The following KCNH5 variants were observed in gnomAD, a reference collection of about 807,000 sequenced individuals.
KCNH5 encodes potassium voltage-gated channel subfamily H member 5.
In KCNH5, 46 loss-of-function variants were observed where a neutral mutation model predicts 96.1. That is an observed-to-expected ratio of 0.48 (90% confidence interval 0.38 to 0.61). KCNH5 has a LOEUF of 0.61. Ranked by LOEUF, KCNH5 falls within the 20% of genes least tolerant of loss-of-function variation. The probability of loss-of-function intolerance (pLI) is 0.00; values close to 1 mark genes in which losing one functional copy is unlikely to be tolerated. For missense variants in KCNH5, 907 were observed against 1,225.8 expected (o/e 0.74, Z 3.88); for synonymous variants, 439 against 449.8 (o/e 0.98, Z 0.30).
At position 62,799,579 on chromosome 14, in the gene KCNH5, A is replaced by G. The variant is rs1458758252; in HGVS notation, c.1822+2750T>C. Reference sequence around the variant, plus strand: ...CAAGAGTGAAACTCCGTCTCAAAAAAAAAAAAAAAAAAAGCCAAAAAGAAA... The same window carrying G: ...CAAGAGTGAAACTCCGTCTCAAAAAGAAAAAAAAAAAAAGCCAAAAAGAAA... On this transcript the variant is annotated intron_variant, in intron 9 of 10. Coordinates refer to ENST00000322893, the MANE Select transcript of KCNH5 (RefSeq NM_139318.5). Among the ~76,000 whole-genome samples the G allele has an allele frequency of 6.9e-5, 10 of 145,868 alleles. No homozygotes were observed. The East Asian group carries it at 2.0e-3, about 29-fold the overall frequency.
intron 1 of KCNH5, among the ~76,000 whole-genome samples, chr14:63,031,718 T>C (rs1454433414): frequency 6.6e-6 from 1 of 152,180 alleles, no homozygotes; most frequent in African/African-American, 2.4e-5. Context: ...TAATATTGTA[T>C]TGTATGTTGA....
chr14:62,869,484 C>T (rs1888206494), intron 7 of KCNH5, among the ~76,000 whole-genome samples: 1 of 151,946 alleles, frequency 6.6e-6, no homozygotes. Flanking sequence ...CAGTACGTTG[C>T]TTGTTCACTC....
chr14:62,869,295 T>A (rs575524467), intron 7 of KCNH5, among the ~76,000 whole-genome samples: 1 of 152,274 alleles, frequency 6.6e-6, no homozygotes, highest in African/African-American at 2.4e-5. Context: ...CAGTGATGAC[T>A]AGCTTTTTTT....
In KCNH5 at chr14:62,702,535, C is replaced by T. The variant is rs1244434188; in HGVS notation, c.*4973G>A. The T allele has an allele frequency of 6.6e-6, 1 of 151,992 alleles. No homozygotes were observed. Among genetic ancestry groups the T allele is most frequent in the Non-Finnish European group, 1.5e-5 (1 of 67,872 alleles). 9.4% of individuals were successfully genotyped at this position (151,992 alleles called of 1,614,324 possible). ...TGCCATCCTGGACAAGTTCCTTAAC[C>T]TATACCTTCATGGGGTTGCTGCAAG... is the stretch of plus-strand genomic sequence containing the variant. On this transcript the variant is annotated 3_prime_UTR_variant, in exon 11 of 11. Coordinates refer to ENST00000322893, the MANE Select transcript of KCNH5 (RefSeq NM_139318.5).
intron 10 of KCNH5, among the ~76,000 whole-genome samples, chr14:62,724,058 C>T (rs530652175): frequency 6.6e-6 from 1 of 152,306 alleles, no homozygotes; most frequent in South Asian, 2.1e-4. Context: ...TTGTTCAATA[C>T]ATTTAGATAA....
intron 7 of KCNH5, among the ~76,000 whole-genome samples, chr14:62,921,995 G>C (rs1042966751): frequency 6.6e-6 from 1 of 152,042 alleles, no homozygotes; most frequent in Non-Finnish European, 1.5e-5. Context: ...CATAACAACT[G>C]TGTAACATAG....
At chr14:62,839,177 A>G (rs1372864539) in intron 8 of KCNH5, among the ~76,000 whole-genome samples, 4 of 152,204 alleles carry the variant, frequency 2.6e-5, no homozygotes, top group African/African-American at 9.6e-5. Flanking sequence ...AAAATCATAC[A>G]GATAAATGTG....
intron 10 of KCNH5, among the ~76,000 whole-genome samples, chr14:62,767,075 C>T (rs1885876924): frequency 6.6e-6 from 1 of 150,484 alleles, no homozygotes; most frequent in African/African-American, 2.5e-5. Flanking sequence ...TGGAAAAATT[C>T]TCAACATCAA....
chr14:62,968,313 C>A (rs961774408), intron 6 of KCNH5, among the ~76,000 whole-genome samples: 3 of 152,172 alleles, frequency 2.0e-5, no homozygotes, highest in Admixed American at 6.5e-5. Flanking sequence ...GTGAGAAAGT[C>A]TTTCCCTCAA....
chr14:62,811,776 T>C (rs947582039), intron 8 of KCNH5, among the ~76,000 whole-genome samples: 1 of 152,128 alleles, frequency 6.6e-6, no homozygotes, highest in Non-Finnish European at 1.5e-5. Flanking sequence ...AGAATTATGC[T>C]GACAGAAGCT....
rs961315697 is a variant in KCNH5 at position 62,702,901 on chromosome 14, G to A, written c.*4607C>T. 3 of 151,766 alleles carry A rather than the reference G, an allele frequency of 2.0e-5. No homozygotes were observed. The highest frequency in any genetic ancestry group is 7.3e-5 in the African/African-American group (3 of 41,352). The allele number at this position is 151,766 out of a possible 1,614,324, so 9.4% of individuals were successfully genotyped here. On this transcript the variant is annotated 3_prime_UTR_variant, in exon 11 of 11. Coordinates refer to ENST00000322893, the MANE Select transcript of KCNH5 (RefSeq NM_139318.5). ...ATGTGGAATCATATATCTTGAACAGGTCATGATTATTTTAATATAAAAAGT... is the reference window on the plus strand; with the variant it reads ...ATGTGGAATCATATATCTTGAACAGATCATGATTATTTTAATATAAAAAGT...
At chr14:62,927,305 A>C (rs760369336) in intron 7 of KCNH5, among the ~76,000 whole-genome samples, 1 of 152,146 alleles carries the variant, frequency 6.6e-6, no homozygotes, top group Non-Finnish European at 1.5e-5. Context: ...GAAATGGTAC[A>C]AGCACTGTGG....
chr14:62,720,634 A>G (rs1176639530), intron 10 of KCNH5, among the ~76,000 whole-genome samples: 1 of 152,176 alleles, frequency 6.6e-6, no homozygotes, highest in African/African-American at 2.4e-5. Context: ...TATTATGTTA[A>G]CTTAGATTAG....
rs142431987 is a variant in KCNH5, at chr14:63,019,047, A to T, written c.74-2093T>A. ...GAAGTAAAAGAGAAAAAGATTGAAG[A>T]CATGTTCTGTGGGACAATATCAAGC... On this transcript the variant is annotated intron_variant, in intron 1 of 10. Coordinates refer to ENST00000322893, the MANE Select transcript of KCNH5 (RefSeq NM_139318.5). 5.9e-5 allele frequency among the ~76,000 whole-genome samples: 9 copies of T among 152,180 alleles called. No homozygotes were observed. The East Asian group carries it at 1.7e-3, about 29-fold the overall frequency.
intron 10 of KCNH5, among the ~76,000 whole-genome samples, chr14:62,745,737 G>C (rs1278961734): frequency 2.0e-5 from 3 of 152,186 alleles, no homozygotes; most frequent in Non-Finnish European, 2.9e-5. Context: ...CATTGCAACT[G>C]TCTAATGAGG....
At chr14:63,030,330 C>T (rs999153071) in intron 1 of KCNH5, among the ~76,000 whole-genome samples, 4 of 152,222 alleles carry the variant, frequency 2.6e-5, no homozygotes, top group African/African-American at 9.6e-5. Context: ...GCTGTAATTT[C>T]ACAAGTCAGC....
At chr14:62,773,169 T>G (rs1232827218) in intron 10 of KCNH5, among the ~76,000 whole-genome samples, 1 of 152,180 alleles carries the variant, frequency 6.6e-6, no homozygotes, top group Non-Finnish European at 1.5e-5. Context: ...AGGACTAGAT[T>G]CCAGTCTCAG....
intron 6 of KCNH5, among the ~76,000 whole-genome samples, chr14:62,953,365 G>GT (rs1240770170): frequency 6.6e-6 from 1 of 151,808 alleles, no homozygotes; most frequent in Non-Finnish European, 1.5e-5. Context: ...TCCTCTTCTG[G>GT]TTGATCTACT....
At chr14:62,886,121 G>C (rs1198523147) in intron 7 of KCNH5, among the ~76,000 whole-genome samples, 1 of 147,806 alleles carries the variant, frequency 6.8e-6, no homozygotes, top group Admixed American at 6.9e-5. Flanking sequence ...ACCTGCAGAG[G>C]ACACACACAC....
Sources: allele counts gnomAD v4.1 joint callset (sites outside exome capture counted in the v4.1 genomes callset), GRCh38; gene constraint gnomAD v4.1.1; transcripts MANE v1.5; gene names NCBI Gene and HGNC (gene_info 2026-07-23, HGNC 2026-07-21).